RNF123: variants seen among roughly 807,000 people sequenced by gnomAD.
The protein encoded by RNF123 is E3 ubiquitin-protein ligase RNF123.
RNF123 carries 86 observed loss-of-function variants against 168.5 expected under a neutral mutation model. That is an observed-to-expected ratio of 0.51 (90% CI 0.43 to 0.61). The LOEUF (loss-of-function observed/expected upper bound fraction) is 0.61. RNF123 is among the 20% of genes least tolerant of loss of function. The pLI is 0.00. For synonymous variants in RNF123, 666 were observed against 689.1 expected, an observed-to-expected ratio of 0.97 and a Z score of 0.52; for missense variants, 1,419 against 1,729.7, an observed-to-expected ratio of 0.82 and a Z score of 3.19.
intron 36 of RNF123, 43 bp from the exon 37 acceptor site, chr3:49,720,757 A>T: frequency 3.1e-6 from 5 of 1,613,044 alleles, no homozygotes; most frequent in Non-Finnish European, 3.4e-6. Flanking sequence ...GAGGCATCAC[A>T]TCCTCAGCTA....
chr3:49,715,765 T>C lies in RNF123; in HGVS notation c.3150+51T>C, dbSNP rs778974382. 2.2e-5 allele frequency: 35 copies of C among 1,614,068 alleles called. No homozygotes were observed. The Admixed American group carries it at 2.5e-4, about 12-fold the overall frequency. ...TTAGGGTGGTGCAAGGGATGAGGCC[T>C]GGTCCTGGGCTAGAGCCAGGTGCTG... On this transcript the variant is annotated intron_variant, in intron 32 of 38. Transcript: ENST00000327697.
intron 26 of RNF123, among the ~76,000 whole-genome samples, chr3:49,711,702 C>T (rs949100471): frequency 4.6e-5 from 7 of 152,256 alleles, no homozygotes; most frequent in Non-Finnish European, 7.4e-5. Flanking sequence ...GGGCCTGAGG[C>T]CTCATTCTTG....
intron 20 of RNF123, 126 bp downstream of exon 20, chr3:49,702,879 C>T: frequency 7.0e-7 from 1 of 1,426,966 alleles, no homozygotes; most frequent in South Asian, 1.3e-5. Flanking sequence ...GGCATCCTGC[C>T]TGGTTGAGTC....
chr3:49,695,090 A>G (rs2054241636), intron 3 of RNF123, among the ~76,000 whole-genome samples: 1 of 152,222 alleles, frequency 6.6e-6, no homozygotes, highest in African/African-American at 2.4e-5. Context: ...TTTTGGGGTC[A>G]GGTACAAGAG....
At chr3:49,718,497 T>A (rs1379887780) in intron 35 of RNF123, 6 of 1,613,004 alleles carry the variant, frequency 3.7e-6, no homozygotes, top group African/African-American at 1.3e-5. Context: ...CATCGCGGGA[T>A]CCTGGCGCCC....
At chr3:49,718,277 G>T in intron 35 of RNF123, 1 of 1,612,942 alleles carries the variant, frequency 6.2e-7, no homozygotes, top group Non-Finnish European at 8.5e-7. Flanking sequence ...AGCAGCACGA[G>T]CACAAGGCCC....
At chr3:49,698,662 T>G in intron 8 of RNF123, 93 bp from the exon 9 acceptor site, 1 of 1,546,422 alleles carries the variant, frequency 6.5e-7, no homozygotes, top group Non-Finnish European at 8.9e-7. Flanking sequence ...TTGTGGCTAG[T>G]CTCCCTTGGG....
intron 3 of RNF123, among the ~76,000 whole-genome samples, chr3:49,693,071 C>A (rs1013058520): frequency 6.8e-6 from 1 of 146,422 alleles, no homozygotes; most frequent in Admixed American, 6.9e-5. Context: ...TTTTTTGAGA[C>A]GGAGTCTTGC....
chr3:49,713,328 G>A, intron 27 of RNF123, 185 bp from the exon 28 acceptor site: 1 of 620,982 alleles, frequency 1.6e-6, no homozygotes, highest in Non-Finnish European at 2.8e-6. Flanking sequence ...CAGTGAGCCT[G>A]TGCCTTAGCC....
rs11130216 is a variant in RNF123, at chr3:49,698,739, C to A, written c.571-16C>A. On this transcript the variant is annotated splice_polypyrimidine_tract_variant and intron_variant, in intron 8 of 38. Coordinates refer to ENST00000327697, the MANE Select transcript of RNF123 (RefSeq NM_022064.5). ...CTGGGCTTCTGTGCATCTGGTGAGG[C>A]CTCCTCTCATGGCAGGCGTGGGCAG... 0.3 allele frequency: 478,474 copies of A among 1,610,070 alleles called. 73,569 individuals are homozygous for A. Among genetic ancestry groups the A allele is most frequent in the Non-Finnish European group, 0.32 (374,126 of 1,177,298 alleles).
rs2054345612 is a variant in RNF123, at chr3:49,699,969, G to A, written c.984+197G>A. The A allele has an allele frequency of 1.5e-6, 1 of 682,434 alleles. No individual in the cohort carries two copies. Among genetic ancestry groups the A allele is most frequent in the Non-Finnish European group, 2.5e-6 (1 of 404,676 alleles). The allele number at this position is 682,434 out of a possible 1,614,324, so 42.3% of individuals were successfully genotyped here. ...GGACATTGCCAACCAAGGGCATCAG[G>A]GGATGTCCTGGAAAGAAGACTGAAG... is the stretch of plus-strand genomic sequence containing the variant. On this transcript the variant is annotated intron_variant, in intron 12 of 38. Coordinates refer to ENST00000327697, the MANE Select transcript of RNF123 (RefSeq NM_022064.5). The surrounding 1 kb of genome is among the most constrained non-coding windows in gnomAD (Gnocchi z 4.8).
chr3:49,704,985 G>T lies in RNF123; in HGVS notation c.1961G>T (p.Arg654Leu). Residue 654 changes from arginine to leucine, a missense_variant and splice_region_variant, in exon 23 of 39, where the codon CGC (arginine) becomes CTC (leucine). Physicochemically the swap from Arg to Leu is moderately radical, Grantham distance 102. Around this residue, in one of 5 missense-constraint regions of RNF123, gnomAD observed 538 missense variants for 708.8 expected, o/e 0.76. Transcript: ENST00000327697. ...CCTGGCCGCCTTTCTTCACTGCAGCGCCCCATGCAGGCCCTGGCTGTTGGG... is the reference window on the plus strand; with the variant it reads ...CCTGGCCGCCTTTCTTCACTGCAGCTCCCCATGCAGGCCCTGGCTGTTGGG... Reference protein sequence around the residue: ...DEEPAPAMAQRPMQALAVGGP... With the variant: ...DEEPAPAMAQLPMQALAVGGP... The T allele has an allele frequency of 6.2e-7, 1 of 1,602,436 alleles. No individual in the cohort carries two copies. The highest frequency in any genetic ancestry group is 8.5e-7 in the Non-Finnish European group (1 of 1,175,664).
chr3:49,709,490 C>G (rs1559682506), intron 26 of RNF123, among the ~76,000 whole-genome samples: 1 of 152,040 alleles, frequency 6.6e-6, no homozygotes, highest in Non-Finnish European at 1.5e-5. Context: ...TTAGTAGAGA[C>G]AGGGTTTCAC....
intron 12 of RNF123, 87 bp from the exon 13 acceptor site, chr3:49,700,140 G>A: frequency 5.1e-6 from 8 of 1,574,986 alleles, no homozygotes; most frequent in Non-Finnish European, 6.9e-6. Flanking sequence ...CTGTGCCTGA[G>A]GCTTGTGCCT....
chr3:49,701,995 C>T (rs2054409825), intron 17 of RNF123, 85 bp downstream of exon 17: 5 of 1,556,898 alleles, frequency 3.2e-6, no homozygotes, highest in Non-Finnish European at 4.4e-6. Flanking sequence ...CTAGGTGGGA[C>T]TTGGGGAACC....
chr3:49,699,109 T>G lies in RNF123; in HGVS notation c.764+4T>G. ...ACTTTGGCAGCCGTCCTCTGCGATA[T>G]CATTTTGTGAAGATGGCTGTGGGCT... On this transcript the variant is annotated splice_donor_region_variant and intron_variant, in intron 10 of 38. Coordinates refer to ENST00000327697, the MANE Select transcript of RNF123 (RefSeq NM_022064.5). The surrounding 1 kb of genome is among the most constrained non-coding windows in gnomAD (Gnocchi z 4.8). 6.2e-7 allele frequency: 1 copy of G among 1,612,774 alleles called. No homozygotes were observed. The highest frequency in any genetic ancestry group is 8.5e-7 in the Non-Finnish European group (1 of 1,179,752).
At position 49,698,447 on chromosome 3, in the gene RNF123, T is replaced by G; in HGVS notation, c.491T>G (p.Val164Gly). 1 of 1,613,408 alleles carries G rather than the reference T, an allele frequency of 6.2e-7. No homozygotes were observed. The highest frequency in any genetic ancestry group is 8.5e-7 in the Non-Finnish European group (1 of 1,179,764). The change falls in exon 8 of 39, where the codon GTT (valine) becomes GGT (glycine). Residue 164 changes from valine (V) to glycine (G), a missense_variant. Val to Gly is a moderately radical substitution (Grantham distance 109). Transcript: ENST00000327697. ...ISCRFNQEEG[V>G]GDTHNSYAYD... ...TAGGCATTTCCTCCCTAGGAGGGGG[T>G]TGGAGATACACACAACTCCTATGCC...
chr3:49,711,670 C>T (rs2080147427), intron 26 of RNF123, among the ~76,000 whole-genome samples: 1 of 152,108 alleles, frequency 6.6e-6, no homozygotes, highest in Admixed American at 6.6e-5. Flanking sequence ...CCAAGACACA[C>T]GGGTGCTGTG....
chr3:49,700,859 A>G (rs2054368232), intron 15 of RNF123, 150 bp downstream of exon 15: 6 of 801,692 alleles, frequency 7.5e-6, no homozygotes, highest in African/African-American at 1.7e-5. Context: ...CTACAGAGCA[A>G]GGACGAGAGA....
Sources: allele counts gnomAD v4.1 joint callset (sites outside exome capture counted in the v4.1 genomes callset), GRCh38; gene constraint gnomAD v4.1.1; regional missense constraint gnomAD v4.1.1; non-coding constraint Gnocchi (gnomAD v3.1); transcripts MANE v1.5; gene names NCBI Gene and HGNC (gene_info 2026-07-23, HGNC 2026-07-21).